Variants in CARD10 observed in about 807,000 individuals in gnomAD.
CARD10 encodes the protein caspase recruitment domain family member 10, also known as caspase recruitment domain-containing protein 10.
Under a neutral mutation model 114.6 loss-of-function variants are expected in CARD10, and 49 were observed. The observed-to-expected ratio is 0.43, with a 90% CI of 0.34 to 0.54. The LOEUF is 0.54. Among genes scored for constraint, CARD10 ranks in the 20% least tolerant of loss-of-function variants. CARD10 has a pLI of 0.03. For missense variants in CARD10, 1,206 were observed against 1,397.2 expected, an observed-to-expected ratio of 0.86 and a Z score of 2.18; for synonymous variants, 602 against 593.2, an observed-to-expected ratio of 1.01 and a Z score of -0.21.
At chr22:37,502,484 A>G in intron 11 of CARD10, 118 bp downstream of exon 11, 2 of 1,212,404 alleles carry the variant, frequency 1.6e-6, no homozygotes, top group South Asian at 3.0e-5. Flanking sequence ...GTGTCTACAG[A>G]TCTTAATCTT....
chr22:37,496,353 G>T lies in CARD10; in HGVS notation c.2059+96C>A. ...GAGAAGGGCAATTGGGGCAAGGCTG[G>T]TCCCTTCTCAGGTCCTTGGTCCCTC... On this transcript the variant is annotated intron_variant, in intron 13 of 19. Transcript: ENST00000251973. The surrounding 1 kb of genome is among the most constrained non-coding windows in gnomAD (Gnocchi z 4.1). 1 of 866,194 alleles carries T rather than the reference G, an allele frequency of 1.2e-6. No homozygotes were observed. Among genetic ancestry groups the T allele is most frequent in the Non-Finnish European group, 1.8e-6 (1 of 551,602 alleles). 53.7% of individuals were successfully genotyped at this position (866,194 alleles called of 1,614,324 possible). A position where few individuals can be genotyped will look rare whatever the true frequency, so the allele number is the denominator to read the frequency against.
Position 37,519,185 on chromosome 22 carries a change from C to G in CARD10, c.16G>C (p.Glu6Gln). Reference protein sequence around the residue: MPGRAEAGEAEEEAGA... With the variant: MPGRAQAGEAEEEAGA... ...GCCTCCTCCTCGGCCTCCCCCGCCT[C>G]CGCCCGGCCCGGCATGGCCGTGTCC... Residue 6 changes from glutamate (E) to glutamine (Q), a missense_variant, in exon 1 of 20, where the codon GAG (glutamate) becomes CAG (glutamine). Glu to Gln is a conservative substitution (Grantham distance 29). This residue lies in a region of CARD10 where 138 missense variants were observed against 218.0 expected (regional missense o/e 0.63). Transcript: ENST00000251973. This position sits in a 1 kb window ranked among gnomAD's most constrained non-coding sequence, Gnocchi z 4.1. 6.5e-7 allele frequency: 1 copy of G among 1,531,252 alleles called. No individual in the cohort carries two copies. Among genetic ancestry groups the G allele is most frequent in the Non-Finnish European group, 8.7e-7 (1 of 1,144,454 alleles). The allele number at this position is 1,531,252 out of a possible 1,614,324, so 94.9% of individuals were successfully genotyped here.
chr22:37,503,527 A>C (rs927277572), intron 9 of CARD10, among the ~76,000 whole-genome samples: 2 of 151,532 alleles, frequency 1.3e-5, no homozygotes, highest in Admixed American at 6.6e-5. Flanking sequence ...CCCTCACCTC[A>C]CCCTCACTTG....
At chr22:37,497,341 G>C in intron 11 of CARD10, 163 bp from the exon 12 acceptor site, 1 of 683,644 alleles carries the variant, frequency 1.5e-6, no homozygotes, top group East Asian at 2.8e-5. Context: ...CTCCACCTGG[G>C]AAATGCTGAT....
intron 3 of CARD10, 121 bp downstream of exon 3, chr22:37,515,852 A>G: frequency 1.3e-6 from 1 of 762,332 alleles, no homozygotes. Flanking sequence ...ACCGAGCACT[A>G]AAAGGACTTA....
At position 37,516,071 on chromosome 22, in the gene CARD10, G is replaced by A. The variant is rs763873395; in HGVS notation, c.601C>T (p.Arg201Trp). 13 of 1,597,976 alleles carry A rather than the reference G, an allele frequency of 8.1e-6. No homozygotes were observed. Among genetic ancestry groups the A allele is most frequent in the African/African-American group, 5.4e-5 (4 of 74,610 alleles). ...DWEAGSLELL[R>W]LKDENYMIAM... ...ATCATGTAGTTCTCATCCTTGAGCC[G>A]CAGCAGCTCCAGGCTGCCCGCCTCC... Residue 201 changes from arginine (R) to tryptophan (W), a missense_variant, in exon 3 of 20, where the codon CGG becomes TGG. By Grantham distance (101) the Arg-to-Trp change is moderately radical. This residue lies in a region of CARD10 where 1,068 missense variants were observed against 1,179.1 expected (regional missense o/e 0.91). Transcript: ENST00000251973.
At chr22:37,508,409 A>T (rs1601815593) in intron 5 of CARD10, 118 bp downstream of exon 5, 2 of 1,139,702 alleles carry the variant, frequency 1.8e-6, no homozygotes. Flanking sequence ...TCTGAGAACA[A>T]ATGAATGCAG....
In CARD10 at chr22:37,507,943, C is replaced by A. The variant is rs1161485591; in HGVS notation, c.1077G>T (p.Glu359Asp). ...AEELRDQYLQ[E>D]MEDLRLKHRT... ...GGTGCTTGAGCCGCAGGTCTTCCAT[C>A]TCCTGCAGGTACTGAGGGTGGCACG... Residue 359 changes from glutamate (E) to aspartate (D), a missense_variant, in exon 6 of 20, where the codon GAG (glutamate) becomes GAT (aspartate). Physicochemically the swap from Glu to Asp is conservative, Grantham distance 45. Coordinates refer to ENST00000251973, the MANE Select transcript of CARD10 (RefSeq NM_014550.4). The A allele has an allele frequency of 6.2e-7, 1 of 1,614,162 alleles. No individual in the cohort carries two copies. Among genetic ancestry groups the A allele is most frequent in the East Asian group, 2.2e-5 (1 of 44,884 alleles).
At chr22:37,493,999 G>A (rs1399996126) in intron 16 of CARD10, 87 bp downstream of exon 16, 3 of 1,022,632 alleles carry the variant, frequency 2.9e-6, no homozygotes, top group Non-Finnish European at 4.5e-6. Flanking sequence ...AGGCCAAAGA[G>A]GCCACCCAAG....
At position 37,504,219 on chromosome 22, in the gene CARD10, C is replaced by T. The variant is rs1198267978; in HGVS notation, c.1601G>A (p.Arg534Gln). 1.3e-6 allele frequency: 2 copies of T among 1,573,730 alleles called. No individual in the cohort carries two copies. The highest frequency in any genetic ancestry group is 1.7e-6 in the Non-Finnish European group (2 of 1,158,592). Residue 534 changes from arginine to glutamine, a missense_variant, in exon 9 of 20, where the codon CGG becomes CAG. This residue lies in a region of CARD10 where 1,068 missense variants were observed against 1,179.1 expected (regional missense o/e 0.91). Coordinates refer to ENST00000251973, the MANE Select transcript of CARD10 (RefSeq NM_014550.4). ...GGGTGCGGGGTCTTCCTCACGCTGCCGGCGGAGGATGGAGCCGGCACTGGG... is the reference window on the plus strand; with the variant it reads ...GGGTGCGGGGTCTTCCTCACGCTGCTGGCGGAGGATGGAGCCGGCACTGGG... ...FPPSAGSILR[R>Q]QREEDPAPPK...
chr22:37,507,107 T>C (rs1923439136), intron 6 of CARD10, among the ~76,000 whole-genome samples: 1 of 152,186 alleles, frequency 6.6e-6, no homozygotes, highest in South Asian at 2.1e-4. Context: ...AGTGAAACCC[T>C]GTCTCTACTA....
chr22:37,508,027 G>C, intron 5 of CARD10, 73 bp from the exon 6 acceptor site: 1 of 1,568,740 alleles, frequency 6.4e-7, no homozygotes, highest in Non-Finnish European at 8.7e-7. Flanking sequence ...AGGTGCCCAG[G>C]AGGGCCAGTG....
Position 37,506,208 on chromosome 22 carries a change from C to A in CARD10, c.1367G>T (p.Gly456Val), listed in dbSNP as rs760133266. The change falls in exon 7 of 20, where the codon GGT (glycine) becomes GTT (valine). Residue 456 changes from glycine (G) to valine (V), a missense_variant. By Grantham distance (109) the Gly-to-Val change is moderately radical. Coordinates refer to ENST00000251973, the MANE Select transcript of CARD10 (RefSeq NM_014550.4). ...LLEVQLQRAQ[G>V]GTCLKACASS... ...CCCGCTCACCTTGAGGCAGGTGCCA[C>A]CCTGGGCCCGCTGCAGCTGAACCTC... 4 of 1,580,782 alleles carry A rather than the reference C, an allele frequency of 2.5e-6. No individual in the cohort carries two copies. The South Asian group carries it at 3.5e-5, about 14-fold the overall frequency.
Position 37,497,183 on chromosome 22 carries a change from G to C in CARD10, c.1788-5C>G. 6.2e-7 allele frequency: 1 copy of C among 1,610,350 alleles called. No homozygotes were observed. On this transcript the variant is annotated splice_region_variant and splice_polypyrimidine_tract_variant and intron_variant, in intron 11 of 19. Transcript: ENST00000251973. ...GACACCCGAATAGCCAGAGACCTGA[G>C]AAGGGAGAAAGGAGATGAGAATTGG...
intron 11 of CARD10, among the ~76,000 whole-genome samples, chr22:37,497,807 T>C (rs1251393949): frequency 2.0e-5 from 3 of 148,584 alleles, no homozygotes; most frequent in Non-Finnish European, 4.4e-5. Context: ...TGAGCCGAGA[T>C]CGAGCCACTG....
At chr22:37,495,712 C>T (rs752650762) in intron 14 of CARD10, 48 bp downstream of exon 14, 1 of 1,611,778 alleles carries the variant, frequency 6.2e-7, no homozygotes, top group Admixed American at 1.7e-5. Context: ...CCCATCTGAG[C>T]CCTGGCTCCC....
intron 6 of CARD10, 134 bp from the exon 7 acceptor site, chr22:37,506,517 A>T (rs930061264): frequency 7.4e-6 from 4 of 542,426 alleles, no homozygotes; most frequent in African/African-American, 5.8e-5. Flanking sequence ...CCGGGCCCTG[A>T]GCTAAATTAT....
chr22:37,493,517 C>A (rs1476865797), intron 16 of CARD10, among the ~76,000 whole-genome samples: 1 of 152,186 alleles, frequency 6.6e-6, no homozygotes, highest in African/African-American at 2.4e-5. Context: ...CAATACTCAC[C>A]TGCTGTCCCC....
At chr22:37,509,460 G>A (rs532362959) in intron 4 of CARD10, among the ~76,000 whole-genome samples, 6 of 152,180 alleles carry the variant, frequency 3.9e-5, no homozygotes, top group South Asian at 2.1e-4. Context: ...AGAGCTTCAG[G>A]CAAGAGGCTA....
Sources: allele counts gnomAD v4.1 joint callset (sites outside exome capture counted in the v4.1 genomes callset), GRCh38; gene constraint gnomAD v4.1.1; regional missense constraint gnomAD v4.1.1; non-coding constraint Gnocchi (gnomAD v3.1); transcripts MANE v1.5; gene names NCBI Gene and HGNC (gene_info 2026-07-23, HGNC 2026-07-21).